Variants in R3HDML observed in about 807,000 individuals in gnomAD.
The protein encoded by R3HDML is peptidase inhibitor R3HDML.
In R3HDML, 21 loss-of-function variants were observed where a neutral mutation model predicts 24.2. That is an observed-to-expected ratio of 0.87 (90% CI 0.62 to 1.25). The LOEUF is 1.25. Among genes scored for constraint, R3HDML ranks in the 50% most tolerant of loss-of-function variants. The pLI is 0.00. For missense variants in R3HDML, 301 were observed against 340.3 expected (o/e 0.88, Z 0.91); for synonymous variants, 133 against 131.5 (o/e 1.01, Z -0.08).
Position 44,345,288 on chromosome 20 carries a change from T to G in R3HDML, c.539T>G (p.Leu180Arg). 1 of 1,614,142 alleles carries G rather than the reference T, an allele frequency of 6.2e-7. No individual in the cohort carries two copies. The highest frequency in any genetic ancestry group is 1.3e-5 in the African/African-American group (1 of 75,038). The change falls in exon 4 of 5, where the codon CTG becomes CGG. Residue 180 changes from leucine (L) to arginine (R), a missense_variant. By Grantham distance (102) the Leu-to-Arg change is moderately radical. Coordinates refer to ENST00000217043, the MANE Select transcript of R3HDML (RefSeq NM_178491.4). ...TQMVWASSNR[L>R]GCAIHTCSSI... ...ATGGTGTGGGCATCCTCCAATCGGC[T>G]GGGCTGTGCCATCCACACCTGTAGT...
intron 4 of R3HDML, chr20:44,347,649 G>A (rs778196703): frequency 6.6e-6 from 1 of 152,190 alleles, no homozygotes; most frequent in Non-Finnish European, 1.5e-5. Flanking sequence ...AACCCTAGGA[G>A]GACATTCTTT....
chr20:44,339,657 T>A (rs1461667613), intron 1 of R3HDML, among the ~76,000 whole-genome samples: 1 of 151,782 alleles, frequency 6.6e-6, no homozygotes, highest in African/African-American at 2.4e-5. Context: ...ATAGAATATA[T>A]ACCTGTATAC....
chr20:44,337,534 C>A lies in R3HDML; in HGVS notation c.261+116C>A. On this transcript the variant is annotated intron_variant, in intron 1 of 4. Coordinates refer to ENST00000217043, the MANE Select transcript of R3HDML (RefSeq NM_178491.4). The surrounding 1 kb of genome is among the most constrained non-coding windows in gnomAD (Gnocchi z 4.7). ...AGAGCTGGACCACTTGCCTGCCTGG[C>A]CCCACTAGCCAGTATCTGGGTGTCG... The A allele has an allele frequency of 1.8e-6, 2 of 1,128,238 alleles. No individual in the cohort carries two copies. Among genetic ancestry groups the A allele is most frequent in the East Asian group, 2.5e-5 (1 of 39,486 alleles). The allele number at this position is 1,128,238 out of a possible 1,614,324, so 69.9% of individuals were successfully genotyped here. A position where few individuals can be genotyped will look rare whatever the true frequency, so the allele number is the denominator to read the frequency against.
At chr20:44,343,050 C>A (rs1376951252) in intron 2 of R3HDML, among the ~76,000 whole-genome samples, 1 of 152,212 alleles carries the variant, frequency 6.6e-6, no homozygotes, top group Non-Finnish European at 1.5e-5. Flanking sequence ...CTCCTCACAT[C>A]TCAGAGGCCT....
Position 44,337,677 on chromosome 20 carries a change from G to A in R3HDML, c.261+259G>A, listed in dbSNP as rs1370067895. On this transcript the variant is annotated intron_variant, in intron 1 of 4. Coordinates refer to ENST00000217043, the MANE Select transcript of R3HDML (RefSeq NM_178491.4). The surrounding 1 kb of genome is among the most constrained non-coding windows in gnomAD (Gnocchi z 4.7). ...TACTATGTAAGGAGCACCACTGTGC[G>A]CCAGGCACTGCACGTGAGTATCATC... Among the ~76,000 whole-genome samples, 7 of 152,178 alleles carry A rather than the reference G, an allele frequency of 4.6e-5. No homozygotes were observed. The highest frequency in any genetic ancestry group is 3.9e-4 in the East Asian group (2 of 5,184).
In R3HDML at chr20:44,337,336, TG is replaced by T. The variant is rs1381007761; in HGVS notation, c.180del (p.Arg61GlufsTer3). On this transcript the variant is annotated frameshift_variant, in exon 1 of 5. Coordinates refer to ENST00000217043, the MANE Select transcript of R3HDML (RefSeq NM_178491.4). LOFTEE classifies it high-confidence loss of function. The surrounding 1 kb of genome is among the most constrained non-coding windows in gnomAD (Gnocchi z 4.7). The stretch of plus-strand genomic sequence containing the variant: ...TACCGCCGGAAGCGCCACATCTCTG[TG>T]AGAGACATGAATGCCTTACTGGATT... ...PRYRRKRHISVRDMNALLDYH... is the reference protein window; with the variant it reads ...PRYRRKRHISXRDMNALLDYH... 4.3e-6 allele frequency: 7 copies of T among 1,614,106 alleles called. No homozygotes were observed. The South Asian group carries it at 7.7e-5, about 18-fold the overall frequency.
chr20:44,344,884 CAGTT>C (rs2062782170), intron 3 of R3HDML: 2 of 202,862 alleles, frequency 9.9e-6, no homozygotes, highest in East Asian at 1.6e-4. Context: ...TGTTTACAGT[CAGTT>C]ACAGATCCAA....
chr20:44,349,099 C>G (rs112273106), intron 4 of R3HDML, among the ~76,000 whole-genome samples: 1,565 of 151,256 alleles, frequency 0.01, 24 homozygotes, highest in African/African-American at 0.036. Flanking sequence ...TGCACTCTAG[C>G]CTGGGCGACA....
intron 3 of R3HDML, chr20:44,344,806 T>C (rs2062781678): frequency 1.2e-5 from 2 of 160,136 alleles, no homozygotes; most frequent in African/African-American, 2.4e-5. Context: ...ATAAAAACAT[T>C]AGTGACTGTC....
intron 1 of R3HDML, among the ~76,000 whole-genome samples, chr20:44,339,577 A>ATGTGTGTGTGTGTGTGTGTGTG (rs1037269097): frequency 1.5e-4 from 16 of 108,632 alleles, no homozygotes; most frequent in African/African-American, 5.4e-4. Context: ...TTGCCTATAT[A>ATGTGTGTGTGTGTGTGTGTGTG]TATGTGTGTG....
Position 44,345,326 on chromosome 20 carries a change from TG to T in R3HDML, c.581del (p.Gly194AlafsTer52). On this transcript the variant is annotated frameshift_variant, in exon 4 of 5. Transcript: ENST00000217043. LOFTEE classifies it high-confidence loss of function. ...AIHTCSSISV[W>X]GNTWHRAAYL... Reference sequence around the variant, plus strand: ...CCACACCTGTAGTAGCATCAGTGTCTGGGGCAACACCTGGCATCGGGCGGCA... The same window carrying T: ...CCACACCTGTAGTAGCATCAGTGTCTGGGCAACACCTGGCATCGGGCGGCA... The T allele has an allele frequency of 6.2e-7, 1 of 1,614,164 alleles. No individual in the cohort carries two copies.
At chr20:44,349,083 T>C (rs2062800266) in intron 4 of R3HDML, among the ~76,000 whole-genome samples, 1 of 151,612 alleles carries the variant, frequency 6.6e-6, no homozygotes, top group Non-Finnish European at 1.5e-5. Flanking sequence ...CCTGAGATCA[T>C]GCCACTGCAC....
chr20:44,349,019 T>G (rs1393534443), intron 4 of R3HDML, among the ~76,000 whole-genome samples: 2 of 151,730 alleles, frequency 1.3e-5, no homozygotes, highest in East Asian at 3.9e-4. Flanking sequence ...GGCATGGAGG[T>G]GCGTCCCTGA....
chr20:44,337,246 C>T lies in R3HDML; in HGVS notation c.89C>T (p.Thr30Ile), dbSNP rs757636233. Reference sequence around the variant, plus strand: ...AACGCCTTGATAATGCCTAATGCTACCCCAGCCCCGGCCCAGCCCGAGAGC... The same window carrying T: ...AACGCCTTGATAATGCCTAATGCTATCCCAGCCCCGGCCCAGCCCGAGAGC... ...AVNALIMPNATPAPAQPESTA... is the reference protein window; with the variant it reads ...AVNALIMPNAIPAPAQPESTA... Residue 30 changes from threonine to isoleucine, a missense_variant, in exon 1 of 5, where the codon ACC (threonine) becomes ATC (isoleucine). Physicochemically the swap from Thr to Ile is moderately conservative, Grantham distance 89. Transcript: ENST00000217043. This position sits in a 1 kb window ranked among gnomAD's most constrained non-coding sequence, Gnocchi z 4.7. The T allele has an allele frequency of 4.1e-5, 66 of 1,613,930 alleles. No homozygotes were observed. The Middle Eastern group carries it at 4.9e-4, about 12-fold the overall frequency.
At chr20:44,349,936 G>A (rs775533776) in intron 4 of R3HDML, among the ~76,000 whole-genome samples, 2 of 152,148 alleles carry the variant, frequency 1.3e-5, no homozygotes, top group Non-Finnish European at 2.9e-5. Flanking sequence ...CAGGTGTGGT[G>A]GCACATGCCT....
chr20:44,342,851 G>A (rs2062775752), intron 2 of R3HDML, among the ~76,000 whole-genome samples: 1 of 152,184 alleles, frequency 6.6e-6, no homozygotes, highest in Non-Finnish European at 1.5e-5. Flanking sequence ...CTACTTGGGA[G>A]GCTGAGGCAC....
At chr20:44,350,565 C>CA in intron 4 of R3HDML, 95 bp from the exon 5 acceptor site, 1 of 1,262,056 alleles carries the variant, frequency 7.9e-7, no homozygotes, top group Non-Finnish European at 1.1e-6. Context: ...CCCAGGTCCC[C>CA]AGGGCTGGTC....
chr20:44,346,206 G>A (rs750279077), intron 4 of R3HDML, among the ~76,000 whole-genome samples: 3 of 151,942 alleles, frequency 2.0e-5, no homozygotes, highest in African/African-American at 4.8e-5. Context: ...CTACAGCCTC[G>A]ACTGGCTGGG....
chr20:44,349,051 C>T (rs947999249), intron 4 of R3HDML, among the ~76,000 whole-genome samples: 10 of 151,872 alleles, frequency 6.6e-5, no homozygotes, highest in African/African-American at 2.2e-4. Flanking sequence ...CGCTTGAACC[C>T]GGGAGGCGGA....
Sources: allele counts gnomAD v4.1 joint callset (sites outside exome capture counted in the v4.1 genomes callset), GRCh38; gene constraint gnomAD v4.1.1; non-coding constraint Gnocchi (gnomAD v3.1); transcripts MANE v1.5; gene names NCBI Gene and HGNC (gene_info 2026-07-23, HGNC 2026-07-21).